ESR1: variants seen among roughly 807,000 people sequenced by gnomAD.
The protein encoded by ESR1 is estrogen receptor.
In ESR1, 12 loss-of-function variants were observed where a neutral mutation model predicts 52.7. The ratio of observed to expected loss-of-function variants is 0.23; its 90% confidence interval spans 0.15 to 0.37. The LOEUF is 0.37. ESR1 is among the 10% of genes least tolerant of loss of function. ESR1 has a pLI of 1.00. For synonymous variants in ESR1, 305 were observed against 316.8 expected, an observed-to-expected ratio of 0.96 and a Z score of 0.39; for missense variants, 584 against 779.7, an observed-to-expected ratio of 0.75 and a Z score of 2.99.
chr6:151,872,388 C>T (rs1295216619), intron 2 of ESR1, among the ~76,000 whole-genome samples: 12 of 152,216 alleles, frequency 7.9e-5, no homozygotes, highest in African/African-American at 2.4e-5. Flanking sequence ...TCCTCCTCCT[C>T]CCTTTAGCCC....
chr6:151,868,656 T>G (rs1368696756), intron 2 of ESR1, among the ~76,000 whole-genome samples: 2 of 152,208 alleles, frequency 1.3e-5, no homozygotes, highest in Non-Finnish European at 2.9e-5. Context: ...TTTTTATGGC[T>G]GTGTAGTATT....
intron 4 of ESR1, among the ~76,000 whole-genome samples, chr6:151,979,058 T>G (rs2039735796): frequency 6.6e-6 from 1 of 152,182 alleles, no homozygotes; most frequent in Admixed American, 6.5e-5. Flanking sequence ...AAGCTTGAAG[T>G]GCTCTATGCA....
intron 2 of ESR1, among the ~76,000 whole-genome samples, chr6:151,785,441 T>C (rs1786929359): frequency 1.3e-5 from 2 of 152,204 alleles, no homozygotes; most frequent in Admixed American, 1.3e-4. Context: ...AGGGTATACC[T>C]CTGTTATTAT....
At chr6:151,834,843 C>G (rs374854548) in intron 1 of ESR1, among the ~76,000 whole-genome samples, 9 of 151,996 alleles carry the variant, frequency 5.9e-5, no homozygotes, top group African/African-American at 1.9e-4. Flanking sequence ...GTGGCAGCAC[C>G]TGGAACTTGG....
At chr6:151,903,620 A>G (rs1319987876) in intron 3 of ESR1, among the ~76,000 whole-genome samples, 1 of 152,184 alleles carries the variant, frequency 6.6e-6, no homozygotes, top group Non-Finnish European at 1.5e-5. Flanking sequence ...CATGCATATG[A>G]CAGCCACTCA....
chr6:151,981,061 T>A (rs1479226593), intron 4 of ESR1, among the ~76,000 whole-genome samples: 1 of 152,182 alleles, frequency 6.6e-6, no homozygotes, highest in Non-Finnish European at 1.5e-5. Flanking sequence ...TATTTTCCAA[T>A]GATTAGAAAA....
intron 1 of ESR1, among the ~76,000 whole-genome samples, chr6:151,836,023 C>T (rs1783272538): frequency 6.6e-6 from 1 of 152,096 alleles, no homozygotes; most frequent in African/African-American, 2.4e-5. Context: ...CAGTGGCTTG[C>T]AGGATGAGTT....
At chr6:151,873,188 A>C (rs1055632864) in intron 2 of ESR1, among the ~76,000 whole-genome samples, 2 of 152,238 alleles carry the variant, frequency 1.3e-5, no homozygotes, top group African/African-American at 4.8e-5. Context: ...GTTAGAATGC[A>C]TAAGAGTTCA....
chr6:151,795,257 T>TG lies in ESR1; in HGVS notation c.-70-12580dup, dbSNP rs1194114954. On this transcript the variant is annotated intron_variant, in intron 2 of 2. Transcript: ENST00000404742. The stretch of plus-strand genomic sequence containing the variant: ...ATCCCAGCACGTTGGGAGGCTGAGG[T>TG]GGGGGGATCACCTGAGGTCAGGAGT... 2.6e-5 allele frequency among the ~76,000 whole-genome samples: 4 copies of TG among 151,420 alleles called. No individual in the cohort carries two copies. The East Asian group carries it at 7.8e-4, about 30-fold the overall frequency.
At chr6:151,757,161 T>C (rs977148876) in intron 2 of ESR1, among the ~76,000 whole-genome samples, 2 of 152,090 alleles carry the variant, frequency 1.3e-5, no homozygotes, top group Non-Finnish European at 2.9e-5. Flanking sequence ...CAGTGGGTCC[T>C]GTTACCTCTC....
intron 6 of ESR1, chr6:152,122,555 T>C: frequency 6.2e-7 from 1 of 1,614,074 alleles, no homozygotes; most frequent in Non-Finnish European, 8.5e-7. Flanking sequence ...GCAAGCCCGA[T>C]GAGGAGGAGC....
chr6:152,011,283 G>T (rs1041982699), intron 4 of ESR1, among the ~76,000 whole-genome samples: 1 of 152,096 alleles, frequency 6.6e-6, no homozygotes, highest in African/African-American at 2.4e-5. Flanking sequence ...AAATTTCTTA[G>T]CACCTTAGCA....
chr6:152,017,190 C>G (rs1367790168), intron 5 of ESR1, among the ~76,000 whole-genome samples: 1 of 152,132 alleles, frequency 6.6e-6, no homozygotes, highest in Non-Finnish European at 1.5e-5. Context: ...GGATACATTT[C>G]CTATCTTGTG....
rs1584087427 is a variant in ESR1 at position 151,901,667 on chromosome 6, A to G, written c.760+20896A>G. 5.3e-5 allele frequency among the ~76,000 whole-genome samples: 8 copies of G among 152,320 alleles called. No homozygotes were observed. The South Asian group carries it at 1.2e-3, about 24-fold the overall frequency. On this transcript the variant is annotated intron_variant, in intron 3 of 7. Coordinates refer to ENST00000206249, the MANE Select transcript of ESR1 (RefSeq NM_000125.4). ...TCAGCTGTCTAATTAAATCAGCTCC[A>G]GGTAAGTTCATATCCTTCTCCCATG...
downstream of ESR1, among the ~76,000 whole-genome samples, chr6:152,104,630 G>T (rs746056200): frequency 1.8e-4 from 28 of 152,028 alleles, no homozygotes; most frequent in Non-Finnish European, 4.0e-4. Context: ...TTGGTCTCTG[G>T]CCCCAGTTTC....
intron 3 of ESR1, among the ~76,000 whole-genome samples, chr6:151,882,326 C>G (rs545612945): frequency 2.2e-4 from 34 of 152,258 alleles, no homozygotes; most frequent in African/African-American, 7.9e-4. Flanking sequence ...TGAATTTACG[C>G]ATTCTGTGAG....
At chr6:152,110,697 A>G (rs779933153) in intron 6 of ESR1, among the ~76,000 whole-genome samples, 3 of 152,258 alleles carry the variant, frequency 2.0e-5, no homozygotes, top group Non-Finnish European at 2.9e-5. Context: ...TTTTTCAAAA[A>G]TTGCATTTAA....
chr6:151,864,904 C>G (rs1226237206), intron 2 of ESR1, among the ~76,000 whole-genome samples: 1 of 126,252 alleles, frequency 7.9e-6, no homozygotes, highest in Non-Finnish European at 1.5e-5. Context: ...CACTTGGACA[C>G]AGGGTGGGGA....
intron 2 of ESR1, among the ~76,000 whole-genome samples, chr6:151,869,880 C>G (rs1473026376): frequency 6.6e-6 from 1 of 152,090 alleles, no homozygotes; most frequent in East Asian, 1.9e-4. Context: ...CTAGAACTGA[C>G]TAGCTGTAAA....
Sources: gnomAD v4.1 joint callset for allele counts (sites outside exome capture counted in the v4.1 genomes callset) on GRCh38, gnomAD v4.1.1 for gene constraint, MANE v1.5 for transcripts, NCBI Gene and HGNC (gene_info 2026-07-23, HGNC 2026-07-21) for gene names.